The following MYO1E variants were observed in gnomAD, a reference collection of about 807,000 sequenced individuals.
The protein encoded by MYO1E is myosin IE, also known as unconventional myosin-Ie.
Under a neutral mutation model 151.1 loss-of-function variants are expected in MYO1E, and 68 were observed. The observed-to-expected ratio is 0.45, with a 90% confidence interval of 0.37 to 0.55. MYO1E has a LOEUF of 0.55. Among genes scored for constraint, MYO1E ranks in the 20% least tolerant of loss-of-function variants. The pLI is 0.00. For missense variants in MYO1E, 1,363 were observed against 1,389.3 expected, an observed-to-expected ratio of 0.98 and a Z score of 0.30; for synonymous variants, 601 against 501.7, an observed-to-expected ratio of 1.20 and a Z score of -2.64.
chr15:59,355,517 T>C (rs2140437492), intron 1 of MYO1E, among the ~76,000 whole-genome samples: 1 of 152,264 alleles, frequency 6.6e-6, no homozygotes, highest in African/African-American at 2.4e-5. Flanking sequence ...AAAGTGCAAA[T>C]CTGCCAATTT....
chr15:59,311,454 A>G (rs1177218343), intron 1 of MYO1E, among the ~76,000 whole-genome samples: 1 of 152,132 alleles, frequency 6.6e-6, no homozygotes, highest in African/African-American at 2.4e-5. Flanking sequence ...TGTGCATCCC[A>G]GTTCCTAACA....
chr15:59,259,017 G>C (rs1229509753), intron 3 of MYO1E, among the ~76,000 whole-genome samples: 2 of 149,968 alleles, frequency 1.3e-5, no homozygotes, highest in African/African-American at 2.4e-5. Flanking sequence ...GGCTGGTCTT[G>C]AACTCCTGGG....
At chr15:59,243,673 A>G (rs1056171284) in intron 4 of MYO1E, among the ~76,000 whole-genome samples, 2 of 152,292 alleles carry the variant, frequency 1.3e-5, no homozygotes, top group East Asian at 3.9e-4. Flanking sequence ...CACAGTTCAT[A>G]GTATCAGCAA....
rs765695852 is a variant in MYO1E at position 59,134,503 on chromosome 15, C to G, written c.*2877G>C. The G allele has an allele frequency of 6.6e-6, 1 of 152,260 alleles. No individual in the cohort carries two copies. The highest frequency in any genetic ancestry group is 2.4e-5 in the African/African-American group (1 of 41,448). 9.4% of individuals were successfully genotyped at this position (152,260 alleles called of 1,614,324 possible). On this transcript the variant is annotated 3_prime_UTR_variant, in exon 28 of 28. Transcript: ENST00000288235. ...CCAGGAGTTTCAGATCAGCCTCTCT[C>G]TGTCTCACAGACGGCCATCAGTAGA...
chr15:59,249,002 G>C (rs1457514556), intron 4 of MYO1E, among the ~76,000 whole-genome samples: 1 of 152,180 alleles, frequency 6.6e-6, no homozygotes, highest in Non-Finnish European at 1.5e-5. Flanking sequence ...TGCTTGGCAA[G>C]TCAGTCTACC....
chr15:59,255,017 G>C (rs1483837063), intron 4 of MYO1E, among the ~76,000 whole-genome samples: 1 of 152,064 alleles, frequency 6.6e-6, no homozygotes, highest in African/African-American at 2.4e-5. Context: ...GTAGAGACAG[G>C]GTTTCCCCAT....
At chr15:59,200,493 C>T (rs935066498) in intron 16 of MYO1E, among the ~76,000 whole-genome samples, 2 of 152,102 alleles carry the variant, frequency 1.3e-5, no homozygotes, top group Non-Finnish European at 2.9e-5. Context: ...CTCTACCCTA[C>T]AGCTGAAAGC....
At chr15:59,186,236 T>C (rs1190336150) in intron 18 of MYO1E, among the ~76,000 whole-genome samples, 1 of 152,172 alleles carries the variant, frequency 6.6e-6, no homozygotes, top group Non-Finnish European at 1.5e-5. Flanking sequence ...TTCTGACGCT[T>C]TATTATACAA....
chr15:59,176,314 C>G (rs1596352742), intron 19 of MYO1E, among the ~76,000 whole-genome samples: 2 of 152,144 alleles, frequency 1.3e-5, no homozygotes, highest in South Asian at 4.1e-4. Flanking sequence ...CCGGCCTCAG[C>G]CCCCCAAAGT....
chr15:59,253,023 A>G (rs1222060839), intron 4 of MYO1E, among the ~76,000 whole-genome samples: 1 of 152,270 alleles, frequency 6.6e-6, no homozygotes, highest in Admixed American at 6.5e-5. Flanking sequence ...GGTCATGTCC[A>G]AAGGACATAA....
intron 6 of MYO1E, among the ~76,000 whole-genome samples, 181 bp downstream of exon 6, chr15:59,231,521 C>G (rs1284112352): frequency 6.6e-6 from 1 of 151,858 alleles, no homozygotes; most frequent in Non-Finnish European, 1.5e-5. Flanking sequence ...ATCCCCGGGG[C>G]GCAAAAAAAG....
chr15:59,237,051 T>C (rs1338042850), intron 4 of MYO1E, among the ~76,000 whole-genome samples: 1 of 152,184 alleles, frequency 6.6e-6, no homozygotes, highest in African/African-American at 2.4e-5. Context: ...AATGAAATCA[T>C]GTTAAGTGAA....
intron 26 of MYO1E, among the ~76,000 whole-genome samples, chr15:59,141,609 G>A (rs1389602578): frequency 3.3e-5 from 5 of 152,090 alleles, no homozygotes; most frequent in African/African-American, 1.2e-4. Flanking sequence ...GACCAGCCTG[G>A]CCAACATGGC....
chr15:59,337,377 C>T (rs1251024298), intron 1 of MYO1E, among the ~76,000 whole-genome samples: 1 of 152,186 alleles, frequency 6.6e-6, no homozygotes, highest in Non-Finnish European at 1.5e-5. Context: ...AACTGCTGAG[C>T]TTGATTGTGA....
At chr15:59,224,106 C>T (rs1472521221) in intron 8 of MYO1E, among the ~76,000 whole-genome samples, 5 of 152,202 alleles carry the variant, frequency 3.3e-5, no homozygotes, top group African/African-American at 1.2e-4. Flanking sequence ...AGTGGGTGTT[C>T]AGCCTACCTC....
intron 9 of MYO1E, among the ~76,000 whole-genome samples, chr15:59,221,402 T>C (rs548026524): frequency 2.2e-4 from 34 of 152,248 alleles, no homozygotes; most frequent in African/African-American, 7.9e-4. Flanking sequence ...TGGTTGTGTG[T>C]AGTTGTTTTG....
At chr15:59,339,693 A>T (rs2080751611) in intron 1 of MYO1E, among the ~76,000 whole-genome samples, 1 of 152,134 alleles carries the variant, frequency 6.6e-6, no homozygotes, top group Admixed American at 6.5e-5. Context: ...CCTACTAAGA[A>T]TTTTAAAAAT....
At chr15:59,346,918 C>CA (rs1345439236) in intron 1 of MYO1E, among the ~76,000 whole-genome samples, 1 of 126,704 alleles carries the variant, frequency 7.9e-6, no homozygotes. Context: ...CCTTGTCTCC[C>CA]AAAAAGAAAA....
intron 25 of MYO1E, among the ~76,000 whole-genome samples, chr15:59,156,342 G>A (rs995532315): frequency 1.3e-5 from 2 of 152,130 alleles, no homozygotes; most frequent in Admixed American, 6.5e-5. Flanking sequence ...GCACCACCAT[G>A]CCTGGCTAAT....
Sources: allele counts gnomAD v4.1 joint callset (sites outside exome capture counted in the v4.1 genomes callset), GRCh38; gene constraint gnomAD v4.1.1; transcripts MANE v1.5; gene names NCBI Gene and HGNC (gene_info 2026-07-23, HGNC 2026-07-21).